PCBP3: variants seen among roughly 807,000 people sequenced by gnomAD.
PCBP3 encodes poly(rC)-binding protein 3.
PCBP3 carries 25 observed loss-of-function variants against 52.7 expected under a neutral mutation model. The ratio of observed to expected loss-of-function variants is 0.47; its 90% CI spans 0.35 to 0.66. PCBP3 has a LOEUF of 0.66. Among genes scored for constraint, PCBP3 ranks in the 30% least tolerant of loss-of-function variants. The probability of loss-of-function intolerance (pLI) is 0.01; values close to 1 mark genes in which losing one functional copy is unlikely to be tolerated. For missense variants in PCBP3, 391 were observed against 490.3 expected (o/e 0.80, Z 1.91); for synonymous variants, 162 against 183.0 (o/e 0.89, Z 0.93).
chr21:45,747,791 C>T (rs2087036672), intron 3 of PCBP3, among the ~76,000 whole-genome samples: 1 of 152,222 alleles, frequency 6.6e-6, no homozygotes, highest in Non-Finnish European at 1.5e-5. Flanking sequence ...CTGCCATGGG[C>T]CCAGCGGAGG....
intron 2 of PCBP3, among the ~76,000 whole-genome samples, chr21:45,729,750 T>TA (rs1413565550): frequency 2.0e-5 from 3 of 152,196 alleles, no homozygotes; most frequent in Non-Finnish European, 4.4e-5. Flanking sequence ...TGTGCCTTAT[T>TA]AAAGAACCAA....
chr21:45,649,571 T>C (rs1474240891), intron 1 of PCBP3, among the ~76,000 whole-genome samples: 1 of 152,216 alleles, frequency 6.6e-6, no homozygotes, highest in Non-Finnish European at 1.5e-5. Flanking sequence ...CTGAAACACA[T>C]CAGATTTCAC....
chr21:45,898,319 G>C (rs111908728), intron 6 of PCBP3, among the ~76,000 whole-genome samples: 5 of 71,538 alleles, frequency 7.0e-5, no homozygotes, highest in African/African-American at 1.3e-4. Context: ...GTCTCCCTCT[G>C]CACACCGTCC....
chr21:45,846,105 G>A (rs1224752150), intron 4 of PCBP3, among the ~76,000 whole-genome samples: 3 of 152,204 alleles, frequency 2.0e-5, no homozygotes, highest in Non-Finnish European at 2.9e-5. Flanking sequence ...GTGTGCGTGA[G>A]GTTGGAAGAG....
intron 2 of PCBP3, among the ~76,000 whole-genome samples, chr21:45,671,219 G>A (rs1162155449): frequency 6.6e-6 from 1 of 152,178 alleles, no homozygotes; most frequent in Admixed American, 6.5e-5. Flanking sequence ...ATCTGCCTCA[G>A]TCCTTCGCCT....
intron 1 of PCBP3, among the ~76,000 whole-genome samples, chr21:45,653,923 T>C (rs1205894152): frequency 6.6e-6 from 1 of 152,166 alleles, no homozygotes; most frequent in East Asian, 1.9e-4. Context: ...GTGGTTATTG[T>C]GTAAATTGTT....
Position 45,741,961 on chromosome 21 carries a change from T to C in PCBP3, c.-162+6532T>C, listed in dbSNP as rs538262831. ...CAGACTGTCTGCCTCAGGCATTCAG[T>C]ACACACTTTCGTGCCCTGCTTTTTA... is the stretch of plus-strand genomic sequence containing the variant. On this transcript the variant is annotated intron_variant, in intron 3 of 17. Coordinates refer to ENST00000681687, the MANE Select transcript of PCBP3 (RefSeq NM_001384156.1). The surrounding 1 kb of genome is among the most constrained non-coding windows in gnomAD (Gnocchi z 4.5). 6.6e-4 allele frequency among the ~76,000 whole-genome samples: 100 copies of C among 152,346 alleles called. No individual in the cohort carries two copies. Among genetic ancestry groups the C allele is most frequent in the African/African-American group, 2.3e-3 (96 of 41,580 alleles).
rs557861281 is a variant in PCBP3, at chr21:45,877,381, A to G, written c.11-18827A>G. On this transcript the variant is annotated intron_variant, in intron 5 of 17. Transcript: ENST00000681687. ...GCTGTTTCATTACACATCACTTCTT[A>G]CTAGGGCAGTATTCATTTTACTAGC... is the stretch of plus-strand genomic sequence containing the variant. 3.3e-5 allele frequency among the ~76,000 whole-genome samples: 5 copies of G among 152,230 alleles called. No homozygotes were observed. The East Asian group carries it at 9.6e-4, about 29-fold the overall frequency.
chr21:45,931,995 C>CGAACACCTGGGCCATGCTGTCCT (rs2076267943), intron 15 of PCBP3, among the ~76,000 whole-genome samples: 1 of 93,574 alleles, frequency 1.1e-5, no homozygotes, highest in Admixed American at 1.1e-4. Flanking sequence ...CATGCTGTCC[C>CGAACACCTGGGCCATGCTGTCCT]GAGATGAATG....
chr21:45,861,770 A>T (rs1237688749), intron 5 of PCBP3, among the ~76,000 whole-genome samples: 3 of 152,188 alleles, frequency 2.0e-5, no homozygotes, highest in Admixed American at 6.5e-5. Context: ...TGGCCCCAAA[A>T]TTATAGGTAC....
intron 1 of PCBP3, among the ~76,000 whole-genome samples, chr21:45,651,087 A>G (rs891003557): frequency 1.3e-5 from 2 of 152,150 alleles, no homozygotes; most frequent in African/African-American, 4.8e-5. Flanking sequence ...GCTTTGTGAG[A>G]CCCTAAGCAG....
At chr21:45,767,046 CT>C (rs1473984808) in intron 4 of PCBP3, among the ~76,000 whole-genome samples, 1 of 152,122 alleles carries the variant, frequency 6.6e-6, no homozygotes, top group Non-Finnish European at 1.5e-5. Context: ...CCCCTCCCCC[CT>C]TTTAATTGAG....
chr21:45,930,823 A>G lies in PCBP3; in HGVS notation c.834A>G (p.Gln278=), dbSNP rs1378326662. The G allele has an allele frequency of 6.3e-7, 1 of 1,598,072 alleles. No homozygotes were observed. The highest frequency in any genetic ancestry group is 1.3e-5 in the African/African-American group (1 of 74,814). Reference sequence around the variant, plus strand: ...CTTTACACTCCTCCGAAGAAGCTCAAAATCTGATGGGCCAGTCATCAGGTA... The same window carrying G: ...CTTTACACTCCTCCGAAGAAGCTCAGAATCTGATGGGCCAGTCATCAGGTA... ...KLPLHSSEEA[Q]NLMGQSSGLD... The change falls in exon 15 of 18, where the codon CAA becomes CAG. Residue 278 remains glutamine (Q), a synonymous_variant. Coordinates refer to ENST00000681687, the MANE Select transcript of PCBP3 (RefSeq NM_001384156.1).
chr21:45,750,322 C>G (rs938900249), intron 3 of PCBP3: 4 of 151,922 alleles, frequency 2.6e-5, no homozygotes, highest in African/African-American at 9.7e-5. Flanking sequence ...CTGCCTTGAC[C>G]CGTCTTTACT....
intron 4 of PCBP3, among the ~76,000 whole-genome samples, 173 bp from the exon 5 acceptor site, chr21:45,849,788 G>C (rs555304950): frequency 2.6e-5 from 4 of 152,252 alleles, no homozygotes; most frequent in South Asian, 2.1e-4. Flanking sequence ...AGAGCCCCAG[G>C]GGGGAGCGCT....
intron 4 of PCBP3, among the ~76,000 whole-genome samples, chr21:45,816,709 C>T (rs56789580): frequency 2.0e-5 from 3 of 150,042 alleles, no homozygotes; most frequent in African/African-American, 7.4e-5. Flanking sequence ...TTGACACCTC[C>T]TGAGAGACCT....
chr21:45,814,300 T>A (rs905849059), intron 4 of PCBP3, among the ~76,000 whole-genome samples: 3 of 146,344 alleles, frequency 2.0e-5, no homozygotes, highest in Non-Finnish European at 4.5e-5. Context: ...AGCTAGTGAG[T>A]GGTGAGTGGT....
chr21:45,912,230 G>A (rs1371581266), intron 11 of PCBP3, among the ~76,000 whole-genome samples: 2 of 152,206 alleles, frequency 1.3e-5, no homozygotes, highest in Admixed American at 6.5e-5. Flanking sequence ...GGGCAGGGAG[G>A]TTTGAGCAAG....
chr21:45,686,269 T>TG, intron 2 of PCBP3, among the ~76,000 whole-genome samples: 1 of 152,048 alleles, frequency 6.6e-6, no homozygotes, highest in Non-Finnish European at 1.5e-5. Context: ...CAATTAGAGT[T>TG]TTGGCCATCC....
Sources: allele counts gnomAD v4.1 joint callset (sites outside exome capture counted in the v4.1 genomes callset), GRCh38; gene constraint gnomAD v4.1.1; non-coding constraint Gnocchi (gnomAD v3.1); transcripts MANE v1.5; gene names NCBI Gene and HGNC (gene_info 2026-07-23, HGNC 2026-07-21).